Variants in FIG4 observed in about 807,000 individuals in gnomAD.
FIG4 encodes polyphosphoinositide phosphatase.
A neutral mutation model predicts 118.6 loss-of-function variants in FIG4; 112 were observed. The observed-to-expected ratio is 0.94, with a 90% CI of 0.81 to 1.11. The LOEUF (loss-of-function observed/expected upper bound fraction) is 1.11, where lower values mean the gene tolerates loss of function less well. Ranked by LOEUF, FIG4 falls within the 50% of genes least tolerant of loss-of-function variation. FIG4 has a pLI of 0.00. For synonymous variants in FIG4, 369 were observed against 381.2 expected (o/e 0.97, Z 0.37); for missense variants, 969 against 1,111.7 (o/e 0.87, Z 1.83).
chr6:109,737,423 C>T (rs980383643), intron 6 of FIG4, among the ~76,000 whole-genome samples: 1 of 151,958 alleles, frequency 6.6e-6, no homozygotes, highest in African/African-American at 2.4e-5. Flanking sequence ...GAGTAAGTGA[C>T]AAAACAGGAC....
In FIG4 at chr6:109,732,692, G is replaced by A; in HGVS notation, c.497+5G>A. On this transcript the variant is annotated splice_donor_5th_base_variant and intron_variant, in intron 5 of 22. Coordinates refer to ENST00000230124, the MANE Select transcript of FIG4 (RefSeq NM_014845.6). ...ATCTAGCAATTTTTACTTTAGGTAA[G>A]TGTGAGGTTAGTTTTGCTCCTATCA... is the stretch of plus-strand genomic sequence containing the variant. The A allele has an allele frequency of 6.5e-7, 1 of 1,533,058 alleles. No homozygotes were observed. Among genetic ancestry groups the A allele is most frequent in the Non-Finnish European group, 9.0e-7 (1 of 1,114,272 alleles). 95.0% of individuals were successfully genotyped at this position (1,533,058 alleles called of 1,614,324 possible).
chr6:109,798,973 CT>C (rs527398863), intron 22 of FIG4, among the ~76,000 whole-genome samples: 39 of 152,168 alleles, frequency 2.6e-4, no homozygotes, highest in African/African-American at 8.9e-4. Flanking sequence ...ATAAGAGACT[CT>C]ATTAACCAAA....
chr6:109,705,365 C>T (rs897370458), intron 1 of FIG4, among the ~76,000 whole-genome samples: 4 of 152,268 alleles, frequency 2.6e-5, no homozygotes, highest in East Asian at 1.9e-4. Context: ...AGTGATTCCG[C>T]GGTCTACAGT....
At chr6:109,798,857 G>T (rs1778357237) in intron 22 of FIG4, among the ~76,000 whole-genome samples, 1 of 151,026 alleles carries the variant, frequency 6.6e-6, no homozygotes. Context: ...TTAATTTAGA[G>T]ACCACTTTGT....
chr6:109,792,736 CTTTTTTTTT>C (rs34998755), intron 21 of FIG4, 72 bp downstream of exon 21: 1 of 429,912 alleles, frequency 2.3e-6, no homozygotes, highest in South Asian at 2.1e-5. Flanking sequence ...ACTACTATAC[CTTTTTTTTT>C]TTTTTTTTTT....
At chr6:109,770,759 T>C (rs567235387) in intron 15 of FIG4, among the ~76,000 whole-genome samples, 20 of 152,126 alleles carry the variant, frequency 1.3e-4, no homozygotes, top group African/African-American at 4.8e-4. Context: ...TCGCAAGGAG[T>C]GCATCAACCC....
intron 16 of FIG4, among the ~76,000 whole-genome samples, chr6:109,780,047 A>G (rs1777750528): frequency 6.6e-6 from 1 of 152,220 alleles, no homozygotes; most frequent in Non-Finnish European, 1.5e-5. Flanking sequence ...GCCTGCCTCC[A>G]GTTAATACCT....
rs534676255 is a variant in FIG4, at chr6:109,742,241, A to C, written c.876+697A>C. Among the ~76,000 whole-genome samples, 3 of 152,176 alleles carry C rather than the reference A, an allele frequency of 2.0e-5. No homozygotes were observed. The East Asian group carries it at 5.8e-4, about 29-fold the overall frequency. ...AGGCAGCACTCATCACGGGAAGTCA[A>C]TTCTTGATAAGAAGACGAAGTGGAG... On this transcript the variant is annotated intron_variant, in intron 8 of 22. Coordinates refer to ENST00000230124, the MANE Select transcript of FIG4 (RefSeq NM_014845.6).
At chr6:109,753,529 TG>T in intron 10 of FIG4, among the ~76,000 whole-genome samples, 1 of 152,298 alleles carries the variant, frequency 6.6e-6, no homozygotes, top group East Asian at 1.9e-4. Flanking sequence ...TAAATTACCT[TG>T]GGCAATAGGG....
At chr6:109,755,605 A>G (rs1776864548) in intron 10 of FIG4, among the ~76,000 whole-genome samples, 1 of 152,132 alleles carries the variant, frequency 6.6e-6, no homozygotes, top group Non-Finnish European at 1.5e-5. Flanking sequence ...GACTTGCTTA[A>G]TGAATCTTGG....
rs1481185549 is a variant in FIG4 at position 109,691,390 on chromosome 6, G to A, written c.-46G>A. 6.6e-7 allele frequency: 1 copy of A among 1,524,122 alleles called. No individual in the cohort carries two copies. Among genetic ancestry groups the A allele is most frequent in the Non-Finnish European group, 8.9e-7 (1 of 1,120,738 alleles). The allele number at this position is 1,524,122 out of a possible 1,614,324, so 94.4% of individuals were successfully genotyped here. ...TTTTCTCGCCGAGTCTCCTGGGGCG[G>A]TCCGGAGGCTCGTGCCCTGTTGTGG... On this transcript the variant is annotated 5_prime_UTR_variant, in exon 1 of 23. Transcript: ENST00000230124.
At chr6:109,703,244 A>G (rs1274703924) in intron 1 of FIG4, among the ~76,000 whole-genome samples, 1 of 152,026 alleles carries the variant, frequency 6.6e-6, no homozygotes, top group Non-Finnish European at 1.5e-5. Flanking sequence ...ACCTTCCAGC[A>G]TTGTTGCTGA....
At chr6:109,778,368 T>C (rs1036669988) in intron 16 of FIG4, among the ~76,000 whole-genome samples, 2 of 148,592 alleles carry the variant, frequency 1.3e-5, no homozygotes, top group African/African-American at 5.0e-5. Context: ...TACTCGGGAG[T>C]CTGAGGCAGG....
At chr6:109,816,548 A>T (rs1255148066) in intron 22 of FIG4, among the ~76,000 whole-genome samples, 1 of 152,186 alleles carries the variant, frequency 6.6e-6, no homozygotes, top group African/African-American at 2.4e-5. Flanking sequence ...TAGCAAATGT[A>T]CCGTACTAAT....
chr6:109,784,448 G>A (rs2128395913), intron 16 of FIG4, among the ~76,000 whole-genome samples: 2 of 152,294 alleles, frequency 1.3e-5, no homozygotes, highest in Middle Eastern at 6.8e-3. Context: ...TGTTCGTTAG[G>A]ACTGTCTAAT....
chr6:109,788,912 T>C (rs933168483), intron 18 of FIG4, among the ~76,000 whole-genome samples: 10 of 152,192 alleles, frequency 6.6e-5, no homozygotes, highest in African/African-American at 2.2e-4. Flanking sequence ...TCAGCAGTAA[T>C]GGTGAGGTGG....
At chr6:109,808,660 C>A (rs150306563) in intron 22 of FIG4, among the ~76,000 whole-genome samples, 121 of 152,078 alleles carry the variant, frequency 8.0e-4, no homozygotes, top group African/African-American at 2.7e-3. Flanking sequence ...TAATGACAGA[C>A]AGACAAACTA....
chr6:109,757,692 A>G (rs1776962424), intron 10 of FIG4, among the ~76,000 whole-genome samples: 1 of 152,216 alleles, frequency 6.6e-6, no homozygotes, highest in African/African-American at 2.4e-5. Context: ...TGCAGAGGAC[A>G]TGATTGTATA....
Position 109,727,189 on chromosome 6 carries a change from A to G in FIG4, c.370A>G (p.Ile124Val). 4 of 1,611,370 alleles carry G rather than the reference A, an allele frequency of 2.5e-6. No individual in the cohort carries two copies. Among genetic ancestry groups the G allele is most frequent in the Middle Eastern group, 1.7e-4 (1 of 6,056 alleles). Residue 124 changes from isoleucine to valine, a missense_variant, in exon 4 of 23, where the codon ATC becomes GTC. This residue lies in a region of FIG4 where 393 missense variants were observed against 409.4 expected (regional missense o/e 0.96). Transcript: ENST00000230124. The stretch of plus-strand genomic sequence containing the variant: ...GATGGCGGATATTGGAGGTCATGCA[A>G]TCTATAAGGTCGAAGATACAAATAT... ...RKMADIGGHA[I>V]YKVEDTNMIY...
Sources: allele counts gnomAD v4.1 joint callset (sites outside exome capture counted in the v4.1 genomes callset), GRCh38; gene constraint gnomAD v4.1.1; regional missense constraint gnomAD v4.1.1; transcripts MANE v1.5; gene names NCBI Gene and HGNC (gene_info 2026-07-23, HGNC 2026-07-21).